The following FALEC variants were observed in gnomAD, a reference collection of about 807,000 sequenced individuals.
FALEC encodes focally amplified lncRNA regulator of ECM1.
the FALEC span, among the ~76,000 whole-genome samples, chr1:150,535,931 TGACTGC>T: frequency 6.6e-6 from 1 of 152,160 alleles, no homozygotes; most frequent in South Asian, 2.1e-4. Flanking sequence ...ACATAATCAG[TGACTGC>T]AATTTCATCA....
the FALEC span, among the ~76,000 whole-genome samples, chr1:150,523,125 C>T: frequency 1.4e-5 from 2 of 142,956 alleles, no homozygotes; most frequent in Admixed American, 7.1e-5. Flanking sequence ...GTAGCTGGGA[C>T]TACAGGCATG....
the FALEC span, among the ~76,000 whole-genome samples, chr1:150,531,398 C>G: frequency 6.6e-6 from 1 of 152,094 alleles, no homozygotes; most frequent in African/African-American, 2.4e-5. Flanking sequence ...TTGCTTGAAC[C>G]TGGGAGGCGG....
the FALEC span, among the ~76,000 whole-genome samples, chr1:150,526,809 T>C: frequency 1.3e-5 from 2 of 148,188 alleles, no homozygotes; most frequent in Non-Finnish European, 3.0e-5. Flanking sequence ...AATTTTTTTG[T>C]ATTTTTAGTA....
the FALEC span, among the ~76,000 whole-genome samples, chr1:150,530,116 G>A: frequency 6.6e-6 from 1 of 152,154 alleles, no homozygotes; most frequent in South Asian, 2.1e-4. Flanking sequence ...CACAGAGGTA[G>A]ATGTGCAGGG....
At chr1:150,522,835 C>A (rs1670661502), downstream of FALEC, among the ~76,000 whole-genome samples, 1 of 41,240 alleles carries the variant, frequency 2.4e-5, no homozygotes. Flanking sequence ...TTAATGAACT[C>A]TCTCTCTCTC....
chr1:150,530,424 C>T, the FALEC span, among the ~76,000 whole-genome samples: 50 of 152,190 alleles, frequency 3.3e-4, 1 homozygote, highest in East Asian at 8.7e-3. Context: ...CTGTGTGGTC[C>T]CATGCAGGTT....
the FALEC span, among the ~76,000 whole-genome samples, chr1:150,528,650 C>T: frequency 2.7e-5 from 4 of 150,736 alleles, no homozygotes; most frequent in South Asian, 2.1e-4. Context: ...GGTGCAATCT[C>T]GGTTCACTGC....
chr1:150,526,165 A>AG, the FALEC span, among the ~76,000 whole-genome samples: 2 of 152,012 alleles, frequency 1.3e-5, no homozygotes, highest in African/African-American at 4.8e-5. Context: ...GATCAAGACC[A>AG]CGGTGAAACC....
chr1:150,521,027 C>T (rs771320964), downstream of FALEC, among the ~76,000 whole-genome samples: 2 of 152,034 alleles, frequency 1.3e-5, no homozygotes, highest in Middle Eastern at 6.8e-3. Flanking sequence ...TCTCGAACTC[C>T]CGACCTCAGG....
At chr1:150,534,341 A>C in the FALEC span, among the ~76,000 whole-genome samples, 1 of 152,190 alleles carries the variant, frequency 6.6e-6, no homozygotes, top group African/African-American at 2.4e-5. Flanking sequence ...TCCTCTGAGC[A>C]TGCCCCAAGC....
the FALEC span, among the ~76,000 whole-genome samples, chr1:150,526,634 AT>A: frequency 6.6e-6 from 1 of 150,674 alleles, no homozygotes; most frequent in Non-Finnish European, 1.5e-5. Flanking sequence ...ATTTTTATAT[AT>A]TTATTTTTAT....
chr1:150,517,296 CAAAAAAA>C (rs34702640), intron 1 of FALEC, among the ~76,000 whole-genome samples: 1 of 93,228 alleles, frequency 1.1e-5, no homozygotes, highest in African/African-American at 4.3e-5. Context: ...GACTCCGTCT[CAAAAAAA>C]AAAAAAAAAA....
intron 1 of FALEC, among the ~76,000 whole-genome samples, chr1:150,517,547 G>A (rs1670585975): frequency 6.6e-6 from 1 of 152,120 alleles, no homozygotes; most frequent in African/African-American, 2.4e-5. Flanking sequence ...TAGGTCATGA[G>A]GGTGGAGCCC....
chr1:150,526,349 C>CAAAAAAAA, the FALEC span, among the ~76,000 whole-genome samples: 34 of 61,764 alleles, frequency 5.5e-4, no homozygotes, highest in Non-Finnish European at 8.1e-4. Context: ...AACTCCGTCT[C>CAAAAAAAA]AAAAAAAAAA....
At chr1:150,525,219 G>A in the FALEC span, among the ~76,000 whole-genome samples, 1 of 151,986 alleles carries the variant, frequency 6.6e-6, no homozygotes, top group Admixed American at 6.6e-5. Context: ...CCCAGTAGGC[G>A]GAGCTTGCAG....
chr1:150,533,054 A>C, the FALEC span, among the ~76,000 whole-genome samples: 1 of 152,252 alleles, frequency 6.6e-6, no homozygotes, highest in African/African-American at 2.4e-5. Context: ...GTGTGGCCAG[A>C]GTAGCAGTAA....
chr1:150,532,199 A>T, the FALEC span, among the ~76,000 whole-genome samples: 3 of 152,060 alleles, frequency 2.0e-5, no homozygotes, highest in African/African-American at 4.8e-5. Context: ...GAGCCACCGC[A>T]CCCGGCCAGC....
downstream of FALEC, among the ~76,000 whole-genome samples, chr1:150,519,502 C>A (rs1488039336): frequency 6.6e-6 from 1 of 151,928 alleles, no homozygotes; most frequent in Non-Finnish European, 1.5e-5. Context: ...GGGCAGATCA[C>A]CTGAGGTGGG....
chr1:150,535,611 G>A, the FALEC span, among the ~76,000 whole-genome samples: 4 of 152,310 alleles, frequency 2.6e-5, no homozygotes, highest in East Asian at 5.8e-4. Flanking sequence ...CTTATGGTGG[G>A]CCAGGCACTG....
Sources: allele counts gnomAD v4.1 joint callset (sites outside exome capture counted in the v4.1 genomes callset), GRCh38; gene constraint gnomAD v4.1.1; transcripts MANE v1.5; gene names NCBI Gene and HGNC (gene_info 2026-07-23, HGNC 2026-07-21).